Variants in PTPRD observed in about 807,000 individuals in gnomAD.
PTPRD encodes the protein receptor-type tyrosine-protein phosphatase delta.
In PTPRD, 34 loss-of-function variants were observed where a neutral mutation model predicts 214.5. The observed-to-expected ratio is 0.16, with a 90% CI of 0.12 to 0.21. The LOEUF (loss-of-function observed/expected upper bound fraction) is 0.21, where lower values mean the gene tolerates loss of function less well. Among genes scored for constraint, PTPRD ranks in the 10% least tolerant of loss-of-function variants. The pLI is 1.00. For missense variants in PTPRD, 2,545 were observed against 2,398.7 expected (o/e 1.06, Z -1.27); for synonymous variants, 1,128 against 845.7 (o/e 1.33, Z -5.79).
chr9:8,428,870 C>T (rs1479437932), intron 35 of PTPRD, among the ~76,000 whole-genome samples: 1 of 152,224 alleles, frequency 6.6e-6, no homozygotes, highest in Non-Finnish European at 1.5e-5. Flanking sequence ...TGGTTCTGCG[C>T]CTGTGAATAC....
At chr9:10,576,858 G>A (rs1206585115) in intron 2 of PTPRD, among the ~76,000 whole-genome samples, 1 of 152,018 alleles carries the variant, frequency 6.6e-6, no homozygotes, top group Non-Finnish European at 1.5e-5. Flanking sequence ...TGTTAACAAG[G>A]GTAGATGCCA....
intron 8 of PTPRD, among the ~76,000 whole-genome samples, chr9:9,505,102 C>T (rs950583509): frequency 2.6e-5 from 4 of 151,432 alleles, no homozygotes; most frequent in African/African-American, 9.7e-5. Context: ...GTTTGATTGC[C>T]CTTCTGGACT....
chr9:9,619,482 T>G (rs2095102841), intron 7 of PTPRD, among the ~76,000 whole-genome samples: 1 of 147,488 alleles, frequency 6.8e-6, no homozygotes, highest in South Asian at 2.1e-4. Context: ...TCACATATTC[T>G]ATATAATCTA....
chr9:9,703,549 G>A (rs1347237403), intron 7 of PTPRD, among the ~76,000 whole-genome samples: 1 of 152,068 alleles, frequency 6.6e-6, no homozygotes, highest in Admixed American at 6.6e-5. Flanking sequence ...AGATTGGCAG[G>A]TGATTAATGT....
intron 9 of PTPRD, among the ~76,000 whole-genome samples, chr9:9,259,512 ACACATTCAGT>A (rs966044920): frequency 6.6e-6 from 1 of 151,894 alleles, no homozygotes; most frequent in African/African-American, 2.4e-5. Context: ...CACTTGGAAC[ACACATTCAGT>A]CACTCCGGCC....
chr9:9,039,373 T>C (rs576129268), intron 10 of PTPRD, among the ~76,000 whole-genome samples: 1 of 152,324 alleles, frequency 6.6e-6, no homozygotes, highest in South Asian at 2.1e-4. Context: ...GCAGATCTAA[T>C]TCTGCAGCTA....
At chr9:10,562,284 C>T (rs2064189224) in intron 2 of PTPRD, among the ~76,000 whole-genome samples, 1 of 151,444 alleles carries the variant, frequency 6.6e-6, no homozygotes, top group African/African-American at 2.4e-5. Context: ...AGTTCTTCTT[C>T]AACGTAATGG....
At chr9:10,115,810 C>G (rs2098726254) in intron 3 of PTPRD, among the ~76,000 whole-genome samples, 1 of 151,996 alleles carries the variant, frequency 6.6e-6, no homozygotes, top group African/African-American at 2.4e-5. Context: ...CCAGATGCCT[C>G]TTAAATATAG....
chr9:9,892,694 G>T (rs1313590292), intron 5 of PTPRD, among the ~76,000 whole-genome samples: 3 of 151,752 alleles, frequency 2.0e-5, no homozygotes, highest in Non-Finnish European at 2.9e-5. Flanking sequence ...ATGCATGAGG[G>T]TGACCAAGAG....
At chr9:9,341,793 TTTTA>T (rs1004261847) in intron 9 of PTPRD, among the ~76,000 whole-genome samples, 1 of 151,868 alleles carries the variant, frequency 6.6e-6, no homozygotes, top group African/African-American at 2.4e-5. Context: ...CACTTCAAGA[TTTTA>T]TTTATTATTA....
At chr9:8,865,037 C>T (rs963863384) in intron 11 of PTPRD, among the ~76,000 whole-genome samples, 3 of 152,058 alleles carry the variant, frequency 2.0e-5, no homozygotes, top group Admixed American at 6.6e-5. Context: ...CTGCACAAAG[C>T]GTGATAGAAA....
chr9:9,253,017 C>G (rs1445316299), intron 9 of PTPRD, among the ~76,000 whole-genome samples: 1 of 151,946 alleles, frequency 6.6e-6, no homozygotes, highest in Non-Finnish European at 1.5e-5. Flanking sequence ...TCAAGGAAAA[C>G]TAGATTTTTG....
At chr9:8,762,078 C>A (rs886874655) in intron 11 of PTPRD, among the ~76,000 whole-genome samples, 1 of 152,114 alleles carries the variant, frequency 6.6e-6, no homozygotes, top group African/African-American at 2.4e-5. Context: ...TTTTTAATGT[C>A]CATACTATAG....
chr9:8,941,700 G>A (rs1042753210), intron 11 of PTPRD, among the ~76,000 whole-genome samples: 3 of 152,162 alleles, frequency 2.0e-5, no homozygotes, highest in Admixed American at 2.0e-4. Context: ...AGTTAAAGTG[G>A]CTGAAACAGA....
At chr9:9,371,456 A>G (rs1472291919) in intron 9 of PTPRD, among the ~76,000 whole-genome samples, 4 of 152,096 alleles carry the variant, frequency 2.6e-5, no homozygotes, top group Non-Finnish European at 5.9e-5. Context: ...ATCGGTGGTA[A>G]TATCCCCTTT....
At chr9:8,993,018 G>T (rs1295743772) in intron 11 of PTPRD, among the ~76,000 whole-genome samples, 3 of 152,144 alleles carry the variant, frequency 2.0e-5, no homozygotes, top group Admixed American at 1.3e-4. Flanking sequence ...TGAGCCGTTG[G>T]AATTCTCTTG....
At chr9:9,212,165 C>T (rs1266777124) in intron 9 of PTPRD, among the ~76,000 whole-genome samples, 4 of 152,106 alleles carry the variant, frequency 2.6e-5, no homozygotes, top group Admixed American at 2.0e-4. Flanking sequence ...ATATCCATCA[C>T]TATTCATTGG....
chr9:9,297,245 A>G (rs1474000091), intron 9 of PTPRD, among the ~76,000 whole-genome samples: 1 of 151,718 alleles, frequency 6.6e-6, no homozygotes, highest in Admixed American at 6.6e-5. Context: ...AGAATTTATG[A>G]TAAAATAATG....
chr9:9,228,360 C>A (rs1159651546), intron 9 of PTPRD, among the ~76,000 whole-genome samples: 1 of 151,998 alleles, frequency 6.6e-6, no homozygotes, highest in Non-Finnish European at 1.5e-5. Context: ...ATAAATACAT[C>A]TTATTGAATT....
Sources: gnomAD v4.1 joint callset for allele counts (sites outside exome capture counted in the v4.1 genomes callset) on GRCh38, gnomAD v4.1.1 for gene constraint, MANE v1.5 for transcripts, NCBI Gene and HGNC (gene_info 2026-07-23, HGNC 2026-07-21) for gene names.